The following TGS1 variants were observed in gnomAD, a reference collection of about 807,000 sequenced individuals.
TGS1 encodes trimethylguanosine synthase.
Under a neutral mutation model 92.2 loss-of-function variants are expected in TGS1, and 69 were observed. The ratio of observed to expected loss-of-function variants is 0.75; its 90% CI spans 0.62 to 0.91. The LOEUF (loss-of-function observed/expected upper bound fraction) is 0.91, where lower values mean the gene tolerates loss of function less well. Among genes scored for constraint, TGS1 ranks in the 40% least tolerant of loss-of-function variants. The pLI is 0.00. For missense variants in TGS1, 1,062 were observed against 1,001.2 expected (o/e 1.06, Z -0.82); for synonymous variants, 345 against 338.1 (o/e 1.02, Z -0.22).
chr8:55,779,567 C>G (rs1811501539), intron 1 of TGS1, among the ~76,000 whole-genome samples: 1 of 152,230 alleles, frequency 6.6e-6, no homozygotes, highest in African/African-American at 2.4e-5. Flanking sequence ...AGGAAAGTCA[C>G]CTTGCAGTCA....
At chr8:55,808,273 C>A (rs1381860310) in intron 10 of TGS1, among the ~76,000 whole-genome samples, 3 of 152,148 alleles carry the variant, frequency 2.0e-5, no homozygotes, top group Non-Finnish European at 4.4e-5. Flanking sequence ...TATTTACTAT[C>A]AAAGTTCTTC....
intron 12 of TGS1, among the ~76,000 whole-genome samples, chr8:55,822,554 T>C (rs1370190199): frequency 1.3e-5 from 2 of 151,440 alleles, no homozygotes; most frequent in South Asian, 2.1e-4. Flanking sequence ...AATACCTTTT[T>C]TTTTTTTCCC....
intron 10 of TGS1, among the ~76,000 whole-genome samples, chr8:55,805,675 C>G: frequency 6.6e-6 from 1 of 151,864 alleles, no homozygotes; most frequent in East Asian, 1.9e-4. Context: ...CACCTGAGGT[C>G]AGGAGTTCGA....
At position 55,814,018 on chromosome 8, in the gene TGS1, G is replaced by A. The variant is rs188693006; in HGVS notation, c.2439+900G>A. 2.7e-3 allele frequency among the ~76,000 whole-genome samples: 406 copies of A among 152,238 alleles called. 2 individuals are homozygous for A. Among genetic ancestry groups the A allele is most frequent in the Non-Finnish European group, 4.7e-3 (321 of 68,016 alleles). ...GCTGGAGTGCAATGGCCCAAACACG[G>A]CTCACTGCAGCCTCAACTAACTGGG... On this transcript the variant is annotated intron_variant, in intron 12 of 12. Transcript: ENST00000260129.
rs142781702 is a variant in TGS1 at position 55,815,843 on chromosome 8, C to A, written c.2439+2725C>A. On this transcript the variant is annotated intron_variant, in intron 12 of 12. Transcript: ENST00000260129. ...AGAACTGAGTAATTTAGAAAAATAT[C>A]TTTTTGTGAGAGGCTCTTTGGAGGT... 1.5e-3 allele frequency among the ~76,000 whole-genome samples: 227 copies of A among 152,036 alleles called. 2 individuals are homozygous for A. Among genetic ancestry groups the A allele is most frequent in the African/African-American group, 5.3e-3 (218 of 41,478 alleles).
Position 55,773,664 on chromosome 8 carries a change from A to G in TGS1, c.46A>G (p.Ile16Val), listed in dbSNP as rs200713455. 1.4e-5 allele frequency: 23 copies of G among 1,611,650 alleles called. No homozygotes were observed. In the East Asian group the frequency reaches 1.8e-4, roughly 13 times the overall value. Residue 16 changes from isoleucine (I) to valine (V), a missense_variant, in exon 1 of 13, where the codon ATT becomes GTT. Coordinates refer to ENST00000260129, the MANE Select transcript of TGS1 (RefSeq NM_024831.8). Reference sequence around the variant, plus strand: ...CCGCGTGGCGGAAATGTTTCTCTTCATTGAGGAGCGGGAGGATTGTAAGAT... The same window carrying G: ...CCGCGTGGCGGAAATGTTTCTCTTCGTTGAGGAGCGGGAGGATTGTAAGAT... Reference protein sequence around the residue: ...WSRVAEMFLFIEEREDCKILC... With the variant: ...WSRVAEMFLFVEEREDCKILC...
intron 1 of TGS1, among the ~76,000 whole-genome samples, chr8:55,774,674 A>G (rs1423187331): frequency 6.6e-6 from 1 of 152,196 alleles, no homozygotes; most frequent in Non-Finnish European, 1.5e-5. Context: ...CTGTCCTTAC[A>G]TGTATTGAGT....
At position 55,773,495 on chromosome 8, in the gene TGS1, C is replaced by G; in HGVS notation, c.-124C>G. 1 of 656,856 alleles carries G rather than the reference C, an allele frequency of 1.5e-6. No individual in the cohort carries two copies. The highest frequency in any genetic ancestry group is 2.2e-5 in the South Asian group (1 of 45,742). 40.7% of individuals were successfully genotyped at this position (656,856 alleles called of 1,614,324 possible). A position where few individuals can be genotyped will look rare whatever the true frequency, so the allele number is the denominator to read the frequency against. On this transcript the variant is annotated 5_prime_UTR_variant, in exon 1 of 13. Transcript: ENST00000260129. ...AGTTCCCGGCGCGAGCGGCCGCGGG[C>G]CAGTTTCTATCTCCTCATCCAGGGC...
At chr8:55,783,672 T>G (rs1585757189) in intron 2 of TGS1, among the ~76,000 whole-genome samples, 1 of 152,224 alleles carries the variant, frequency 6.6e-6, no homozygotes, top group South Asian at 2.1e-4. Context: ...AGACCTTTTG[T>G]GTTCCTAGAC....
intron 12 of TGS1, among the ~76,000 whole-genome samples, chr8:55,815,371 C>CT (rs930946278): frequency 1.3e-4 from 19 of 151,762 alleles, no homozygotes; most frequent in Admixed American, 1.2e-3. Flanking sequence ...GGGAAATCAA[C>CT]TTTTTTTTAA....
chr8:55,808,897 GTATCCCC>G (rs1803265160), intron 10 of TGS1, among the ~76,000 whole-genome samples: 1 of 152,166 alleles, frequency 6.6e-6, no homozygotes, highest in Admixed American at 6.5e-5. Context: ...ACTCCTCCTA[GTATCCCC>G]GTAGGATAGT....
chr8:55,787,781 G>A (rs1785326539), intron 4 of TGS1, among the ~76,000 whole-genome samples: 1 of 152,190 alleles, frequency 6.6e-6, no homozygotes, highest in Admixed American at 6.5e-5. Context: ...CAGTTTTGCA[G>A]GCTGTACAGG....
chr8:55,784,485 T>A (rs1811654431), intron 2 of TGS1, among the ~76,000 whole-genome samples: 2 of 152,070 alleles, frequency 1.3e-5, no homozygotes, highest in African/African-American at 4.8e-5. Flanking sequence ...GGTAGTTTGT[T>A]TTTTGGTTTT....
intron 1 of TGS1, among the ~76,000 whole-genome samples, chr8:55,775,410 G>C (rs927186081): frequency 1.3e-5 from 2 of 152,144 alleles, no homozygotes; most frequent in Admixed American, 1.3e-4. Context: ...CTACTCAGGC[G>C]GCAGTGTGGA....
At chr8:55,796,844 A>G (rs1386378696) in intron 7 of TGS1, among the ~76,000 whole-genome samples, 1 of 151,802 alleles carries the variant, frequency 6.6e-6, no homozygotes, top group Non-Finnish European at 1.5e-5. Context: ...TATAAAAATT[A>G]GCCAGGCATG....
chr8:55,798,008 C>G (rs1188282045), intron 7 of TGS1, among the ~76,000 whole-genome samples: 1 of 152,144 alleles, frequency 6.6e-6, no homozygotes, highest in African/African-American at 2.4e-5. Flanking sequence ...AACAGACTGC[C>G]TAGTATTAGT....
Position 55,811,035 on chromosome 8 carries a change from G to A in TGS1, c.2298G>A (p.Trp766Ter), listed in dbSNP as rs1157198989. ...KADVVFLSPPWGGPDYATAET... is the reference protein window; with the variant it reads ...KADVVFLSPP ...ATGTTGTGTTCCTCAGCCCACCTTG[G>A]GGAGGGCCAGACTATGCCACTGCAG... The change falls in exon 11 of 13, where the codon TGG becomes TGA. Residue 766 changes from tryptophan (W) to a stop codon, truncating the protein, a stop_gained. Coordinates refer to ENST00000260129, the MANE Select transcript of TGS1 (RefSeq NM_024831.8). LOFTEE classifies it high-confidence loss of function. 2 of 1,614,146 alleles carry A rather than the reference G, an allele frequency of 1.2e-6. No individual in the cohort carries two copies. The highest frequency in any genetic ancestry group is 2.2e-5 in the South Asian group (2 of 91,086).
Position 55,788,454 on chromosome 8 carries a change from C to CTT in TGS1, c.1162+1412_1162+1413dup, listed in dbSNP as rs71256568. ...TCTATTTTGGTGATACATTTTCATC[C>CTT]TTTTTTTTTTTTTTTTTTTGAGATG... On this transcript the variant is annotated intron_variant, in intron 4 of 12. Transcript: ENST00000260129. Among the ~76,000 whole-genome samples, 528 of 91,086 alleles carry CTT rather than the reference C, an allele frequency of 5.8e-3. 10 individuals are homozygous for CTT. The highest frequency in any genetic ancestry group is 0.02 in the African/African-American group (448 of 22,508). The allele number at this position is 91,086 out of a possible 152,430, so 59.8% of individuals were successfully genotyped here.
intron 12 of TGS1, among the ~76,000 whole-genome samples, chr8:55,816,163 C>T (rs1554565183): frequency 6.6e-6 from 1 of 152,066 alleles, no homozygotes; most frequent in Non-Finnish European, 1.5e-5. Flanking sequence ...GCCATGCTTT[C>T]CTTTCTTTCT....
Sources: gnomAD v4.1 joint callset for allele counts (sites outside exome capture counted in the v4.1 genomes callset) on GRCh38, gnomAD v4.1.1 for gene constraint, MANE v1.5 for transcripts, NCBI Gene and HGNC (gene_info 2026-07-23, HGNC 2026-07-21) for gene names.